The following CTNNA2 variants were observed in gnomAD, a reference collection of about 807,000 sequenced individuals.
CTNNA2 encodes the protein catenin alpha 2, also known as catenin alpha-2.
CTNNA2 carries 42 observed loss-of-function variants against 101.0 expected under a neutral mutation model. That is an observed-to-expected ratio of 0.42 (90% CI 0.32 to 0.54). The LOEUF (loss-of-function observed/expected upper bound fraction) is 0.54, where lower values mean the gene tolerates loss of function less well. Among genes scored for constraint, CTNNA2 ranks in the 20% least tolerant of loss-of-function variants. CTNNA2 has a pLI of 0.14. For synonymous variants in CTNNA2, 450 were observed against 456.4 expected, an observed-to-expected ratio of 0.99 and a Z score of 0.18; for missense variants, 871 against 1,223.1, an observed-to-expected ratio of 0.71 and a Z score of 4.29.
rs574551940 is a variant in CTNNA2 at position 79,267,825 on chromosome 2, G to A, written c.-405-44884G>A. Among the ~76,000 whole-genome samples the A allele has an allele frequency of 2.6e-5, 4 of 152,280 alleles. No homozygotes were observed. The East Asian group carries it at 7.7e-4, about 29-fold the overall frequency. The stretch of plus-strand genomic sequence containing the variant: ...TTTTAATGTCCTGGAAAAGCCCCTG[G>A]AGATAATCCTAATGTGTATTTGAGA... On this transcript the variant is annotated intron_variant, in intron 2 of 21. Transcript: ENST00000466387.
chr2:79,287,035 C>T (rs1305946970), intron 2 of CTNNA2, among the ~76,000 whole-genome samples: 2 of 152,128 alleles, frequency 1.3e-5, no homozygotes, highest in African/African-American at 4.8e-5. Flanking sequence ...CCCTTTCTTC[C>T]AGTTGATCGC....
intron 2 of CTNNA2, among the ~76,000 whole-genome samples, chr2:79,282,267 A>G (rs1207110270): frequency 6.6e-6 from 1 of 151,754 alleles, no homozygotes; most frequent in Non-Finnish European, 1.5e-5. Flanking sequence ...TTTATTTATT[A>G]TTATTATACT....
At chr2:80,596,724 G>A (rs1265939006) in intron 15 of CTNNA2, among the ~76,000 whole-genome samples, 1 of 151,996 alleles carries the variant, frequency 6.6e-6, no homozygotes, top group Non-Finnish European at 1.5e-5. Context: ...GATTGCCCTG[G>A]CCAGAACTTC....
intron 1 of CTNNA2, among the ~76,000 whole-genome samples, chr2:79,565,193 T>C (rs1237560276): frequency 6.6e-6 from 1 of 151,652 alleles, no homozygotes; most frequent in Non-Finnish European, 1.5e-5. Context: ...GATCATGAAA[T>C]ATTTGGCTTG....
intron 3 of CTNNA2, among the ~76,000 whole-genome samples, chr2:79,356,500 G>A (rs1280339354): frequency 2.0e-5 from 3 of 152,302 alleles, no homozygotes; most frequent in Non-Finnish European, 4.4e-5. Flanking sequence ...GTAAGAGGCT[G>A]AGATGCCAAG....
At chr2:79,692,384 G>T (rs58553851) in intron 2 of CTNNA2, among the ~76,000 whole-genome samples, 35,647 of 152,046 alleles carry the variant, frequency 0.23, 4,442 homozygotes, top group East Asian at 0.44. Context: ...ATGCTGGAGA[G>T]GATGTGGAGA....
intron 2 of CTNNA2, among the ~76,000 whole-genome samples, chr2:79,241,919 T>G (rs200113101): frequency 7.3e-6 from 1 of 137,206 alleles, no homozygotes; most frequent in East Asian, 2.1e-4. Flanking sequence ...CTTTTCTTTT[T>G]TTTTGAGACA....
At position 79,535,414 on chromosome 2, in the gene CTNNA2, C is replaced by T. The variant is rs183574432; in HGVS notation, c.-6+22207C>T. On this transcript the variant is annotated intron_variant, in intron 1 of 18. Coordinates refer to ENST00000402739, the MANE Select transcript of CTNNA2 (RefSeq NM_001282597.3). ...AGAGACAGGGTTTCACCATGTTGGC[C>T]AGGCTGGTCTCGAACTCCTGACCTC... Among the ~76,000 whole-genome samples, 1,028 of 152,054 alleles carry T rather than the reference C, an allele frequency of 6.8e-3. 17 individuals are homozygous for T. The highest frequency in any genetic ancestry group is 0.023 in the African/African-American group (971 of 41,464).
At chr2:79,218,188 G>A (rs1359268820) in intron 2 of CTNNA2, among the ~76,000 whole-genome samples, 1 of 152,194 alleles carries the variant, frequency 6.6e-6, no homozygotes, top group East Asian at 1.9e-4. Flanking sequence ...AGAGCAGGCT[G>A]CCTGCTGCAT....
At position 80,377,768 on chromosome 2, in the gene CTNNA2, G is replaced by A. The variant is rs148789296; in HGVS notation, c.1057-15443G>A. ...AGCTAGCACTATGGCTTTCCATGGC[G>A]ACACATGGCCGGATAGGTAGCTCTG... On this transcript the variant is annotated intron_variant, in intron 7 of 18. Transcript: ENST00000402739. Among the ~76,000 whole-genome samples the A allele has an allele frequency of 1.7e-3, 262 of 152,300 alleles. 1 individual carries two copies. The highest frequency in any genetic ancestry group is 5.7e-3 in the African/African-American group (237 of 41,556).
rs369276321 is a variant in CTNNA2 at position 80,038,065 on chromosome 2, T to C, written c.1056+128268T>C. ...AATTTATACAAGTTGGTTTTGAAAA[T>C]TGAAAAAAAAAACTGACTCCTGATT... On this transcript the variant is annotated intron_variant, in intron 7 of 18. Transcript: ENST00000402739. Among the ~76,000 whole-genome samples the C allele has an allele frequency of 7.6e-4, 31 of 40,982 alleles. No individual in the cohort carries two copies. The East Asian group carries it at 0.086, about 113-fold the overall frequency. The allele number at this position is 40,982 out of a possible 152,430, so 26.9% of individuals were successfully genotyped here. A position where few individuals can be genotyped will look rare whatever the true frequency, so the allele number is the denominator to read the frequency against.
At chr2:79,405,190 C>T (rs1678328328) in intron 4 of CTNNA2, among the ~76,000 whole-genome samples, 2 of 151,972 alleles carry the variant, frequency 1.3e-5, no homozygotes, top group African/African-American at 2.4e-5. Flanking sequence ...GCAGAGACTC[C>T]CTCTTTCCTC....
At chr2:79,718,961 G>C (rs868010903) in intron 2 of CTNNA2, among the ~76,000 whole-genome samples, 6 of 151,952 alleles carry the variant, frequency 3.9e-5, no homozygotes, top group Admixed American at 1.3e-4. Flanking sequence ...ACATGTACAG[G>C]TTTGTTACAT....
intron 9 of CTNNA2, among the ~76,000 whole-genome samples, chr2:80,487,397 A>C (rs1370223821): frequency 1.3e-5 from 2 of 152,090 alleles, no homozygotes; most frequent in Non-Finnish European, 2.9e-5. Context: ...TAAAGCAAAG[A>C]GGTTTAATTG....
intron 13 of CTNNA2, chr2:80,576,496 A>G (rs761834356): frequency 3.3e-5 from 5 of 151,830 alleles, no homozygotes; most frequent in African/African-American, 7.3e-5. Flanking sequence ...AGACCAACAT[A>G]TAGTCATTTT....
chr2:80,648,656 TAGAG>T lies in CTNNA2; in HGVS notation c.*785_*788del, dbSNP rs25610. The T allele has an allele frequency of 0.052, 7,840 of 152,232 alleles. 219 individuals are homozygous for T. Among genetic ancestry groups the T allele is most frequent in the Middle Eastern group, 0.072 (21 of 292 alleles). 9.4% of individuals were successfully genotyped at this position (152,232 alleles called of 1,614,324 possible). ...AATAGAAGGCCCAGTGGTGGAATAT[TAGAG>T]GGAAGGAAACTGACAACGTGTGAAA... On this transcript the variant is annotated 3_prime_UTR_variant, in exon 19 of 19. Transcript: ENST00000402739.
intron 1 of CTNNA2, among the ~76,000 whole-genome samples, chr2:79,194,893 A>G (rs1673938916): frequency 6.6e-6 from 1 of 152,178 alleles, no homozygotes; most frequent in Non-Finnish European, 1.5e-5. Flanking sequence ...ACTGTTTCTC[A>G]GAGAAAATTG....
intron 7 of CTNNA2, among the ~76,000 whole-genome samples, chr2:80,005,906 C>T (rs533676955): frequency 2.8e-4 from 43 of 151,644 alleles, no homozygotes; most frequent in African/African-American, 6.1e-4. Context: ...TTATATTTAA[C>T]GCCATAAACT....
At chr2:79,451,636 G>C (rs1223756092) in intron 4 of CTNNA2, among the ~76,000 whole-genome samples, 2 of 151,894 alleles carry the variant, frequency 1.3e-5, no homozygotes, top group African/African-American at 4.8e-5. Context: ...ATTCCTGGGA[G>C]AACCAGTGTG....
Sources: gnomAD v4.1 joint callset for allele counts (sites outside exome capture counted in the v4.1 genomes callset) on GRCh38, gnomAD v4.1.1 for gene constraint, MANE v1.5 for transcripts, NCBI Gene and HGNC (gene_info 2026-07-23, HGNC 2026-07-21) for gene names.